The following PI4KA variants were observed in gnomAD, a reference collection of about 807,000 sequenced individuals.
The protein encoded by PI4KA is phosphatidylinositol 4-kinase alpha, also known as PI4-kinase alpha.
A neutral mutation model predicts 271.4 loss-of-function variants in PI4KA; 122 were observed. That is an observed-to-expected ratio of 0.45 (90% CI 0.39 to 0.52). The LOEUF is 0.52. Ranked by LOEUF, PI4KA falls within the 20% of genes least tolerant of loss-of-function variation. PI4KA has a pLI of 0.00. For synonymous variants in PI4KA, 1,041 were observed against 1,078.8 expected, an observed-to-expected ratio of 0.96 and a Z score of 0.69; for missense variants, 1,969 against 2,769.1, an observed-to-expected ratio of 0.71 and a Z score of 6.48.
At chr22:20,768,174 G>A (rs1486258094) in intron 19 of PI4KA, among the ~76,000 whole-genome samples, 1 of 151,994 alleles carries the variant, frequency 6.6e-6, no homozygotes, top group Non-Finnish European at 1.5e-5. Context: ...CAGATGGGGT[G>A]GTGGCCAATG....
In PI4KA at chr22:20,799,667, G is replaced by A. The variant is rs376998408; in HGVS notation, c.1820+4C>T. The A allele has an allele frequency of 1.6e-4, 244 of 1,547,154 alleles. No individual in the cohort carries two copies. The highest frequency in any genetic ancestry group is 2.0e-4 in the East Asian group (8 of 40,906). On this transcript the variant is annotated splice_donor_region_variant and intron_variant, in intron 15 of 54. Coordinates refer to ENST00000255882, the MANE Select transcript of PI4KA (RefSeq NM_058004.4). ...GCCTCTGAGAGACAGGAATAGGGGC[G>A]TACTTGTCGCTCTCCTGAGAGATGT...
chr22:20,781,705 G>A (rs950792925), intron 19 of PI4KA, among the ~76,000 whole-genome samples: 17 of 152,234 alleles, frequency 1.1e-4, no homozygotes, highest in Non-Finnish European at 2.5e-4. Context: ...GCTTGCGGCA[G>A]ACACACACAC....
chr22:20,739,827 C>G (rs1232285170), intron 32 of PI4KA, among the ~76,000 whole-genome samples: 1 of 152,104 alleles, frequency 6.6e-6, no homozygotes, highest in South Asian at 2.1e-4. Flanking sequence ...CTTTGGGAGG[C>G]TGAGGCAGGT....
At chr22:20,826,461 T>C (rs868501272) in intron 3 of PI4KA, among the ~76,000 whole-genome samples, 5 of 152,222 alleles carry the variant, frequency 3.3e-5, no homozygotes. Flanking sequence ...CTGATGGGCA[T>C]TTAGGTTGAT....
At chr22:20,789,989 AT>A in intron 19 of PI4KA, among the ~76,000 whole-genome samples, 1 of 152,378 alleles carries the variant, frequency 6.6e-6, no homozygotes, top group South Asian at 2.1e-4. Flanking sequence ...AAGGAGGTGC[AT>A]CTTATTAAAT....
chr22:20,826,065 GGT>G (rs1301561563), intron 3 of PI4KA, among the ~76,000 whole-genome samples: 1 of 152,200 alleles, frequency 6.6e-6, no homozygotes, highest in African/African-American at 2.4e-5. Flanking sequence ...ATCTTGGCCA[GGT>G]ATGGTGGCCT....
At chr22:20,849,397 T>A (rs1319081455) in intron 1 of PI4KA, among the ~76,000 whole-genome samples, 2 of 152,178 alleles carry the variant, frequency 1.3e-5, no homozygotes, top group Non-Finnish European at 2.9e-5. Flanking sequence ...TACGTGAATT[T>A]CCATAGCAGC....
intron 4 of PI4KA, among the ~76,000 whole-genome samples, chr22:20,823,826 A>C (rs1268842961): frequency 2.6e-5 from 4 of 152,168 alleles, no homozygotes; most frequent in Middle Eastern, 3.2e-3. Context: ...CTATAGTCTC[A>C]GCTACTTGGG....
intron 7 of PI4KA, among the ~76,000 whole-genome samples, chr22:20,818,041 C>T (rs953376522): frequency 1.3e-5 from 2 of 152,004 alleles, no homozygotes; most frequent in Non-Finnish European, 2.9e-5. Flanking sequence ...AAGAGAATTG[C>T]TTGAACCCAG....
intron 18 of PI4KA, among the ~76,000 whole-genome samples, chr22:20,794,052 G>A (rs1237758441): frequency 6.6e-6 from 1 of 152,176 alleles, no homozygotes; most frequent in Non-Finnish European, 1.5e-5. Flanking sequence ...TCAGTGGTGG[G>A]GACAGAATGC....
intron 51 of PI4KA, 71 bp downstream of exon 51, chr22:20,711,270 G>A (rs1357537307): frequency 2.9e-6 from 3 of 1,037,498 alleles, no homozygotes; most frequent in African/African-American, 4.7e-5. Flanking sequence ...CTCTCTGTGG[G>A]GTGGGGATCC....
At chr22:20,819,929 A>T (rs1420561118) in intron 5 of PI4KA, 29 bp from the exon 6 acceptor site, 2 of 1,589,516 alleles carry the variant, frequency 1.3e-6, no homozygotes, top group Non-Finnish European at 1.7e-6. Flanking sequence ...ACGTTACAAT[A>T]TAAGAAAGTA....
chr22:20,850,760 G>A (rs78767839), intron 1 of PI4KA, among the ~76,000 whole-genome samples: 4,493 of 152,018 alleles, frequency 0.03, 88 homozygotes, highest in Middle Eastern at 0.061. Context: ...TAAAATTTTC[G>A]CTGGGTACAG....
At chr22:20,749,392 T>C (rs1031664608) in intron 28 of PI4KA, among the ~76,000 whole-genome samples, 5 of 152,270 alleles carry the variant, frequency 3.3e-5, no homozygotes, top group African/African-American at 1.2e-4. Context: ...TGGCATTACA[T>C]GGTTTACTTC....
intron 3 of PI4KA, among the ~76,000 whole-genome samples, chr22:20,834,247 G>A (rs1363721832): frequency 6.6e-6 from 1 of 152,104 alleles, no homozygotes; most frequent in African/African-American, 2.4e-5. Context: ...TGACTGATTT[G>A]GGGACGGGCA....
chr22:20,820,779 G>A lies in PI4KA; in HGVS notation c.457-168C>T, dbSNP rs1276325690. 4.6e-5 allele frequency among the ~76,000 whole-genome samples: 7 copies of A among 152,190 alleles called. No homozygotes were observed. In the East Asian group the frequency reaches 1.2e-3, roughly 25 times the overall value. ...AAGTGGCCAACCAGCTGACTTTCCA[G>A]GGACAAAACCCTCACTCTCTGGGCT... On this transcript the variant is annotated intron_variant, in intron 4 of 54. Coordinates refer to ENST00000255882, the MANE Select transcript of PI4KA (RefSeq NM_058004.4).
chr22:20,780,217 A>G, intron 19 of PI4KA: 1 of 1,614,232 alleles, frequency 6.2e-7, no homozygotes, highest in Non-Finnish European at 8.5e-7. Flanking sequence ...AGGCACCTTT[A>G]CAGTTCTCAC....
intron 4 of PI4KA, among the ~76,000 whole-genome samples, chr22:20,823,076 G>A (rs913417790): frequency 6.6e-6 from 1 of 151,972 alleles, no homozygotes; most frequent in Non-Finnish European, 1.5e-5. Flanking sequence ...ACCACGCCCG[G>A]CTAATTTTTA....
intron 1 of PI4KA, among the ~76,000 whole-genome samples, chr22:20,843,905 C>T (rs1386368015): frequency 3.3e-5 from 5 of 152,222 alleles, no homozygotes; most frequent in East Asian, 1.9e-4. Context: ...AAACCCAGGC[C>T]GCTATGTATC....
Sources: allele counts gnomAD v4.1 joint callset (sites outside exome capture counted in the v4.1 genomes callset), GRCh38; gene constraint gnomAD v4.1.1; transcripts MANE v1.5; gene names NCBI Gene and HGNC (gene_info 2026-07-23, HGNC 2026-07-21).